The following AP3S2 variants were observed in gnomAD, a reference collection of about 807,000 sequenced individuals.
AP3S2 encodes the protein AP-3 complex subunit sigma-2.
AP3S2 carries 22 observed loss-of-function variants against 23.4 expected under a neutral mutation model. The ratio of observed to expected loss-of-function variants is 0.94; its 90% CI spans 0.67 to 1.34. The LOEUF is 1.34. AP3S2 is among the 40% of genes most tolerant of loss of function. The pLI is 0.00. For synonymous variants in AP3S2, 86 were observed against 87.1 expected, an observed-to-expected ratio of 0.99 and a Z score of 0.07; for missense variants, 241 against 236.9, an observed-to-expected ratio of 1.02 and a Z score of -0.11.
chr15:89,891,653 C>G (rs1193348224), intron 1 of AP3S2, among the ~76,000 whole-genome samples: 3 of 146,560 alleles, frequency 2.0e-5, no homozygotes, highest in Admixed American at 6.9e-5. Context: ...GATTCAGTCT[C>G]GGAGGGAAAA....
intron 4 of AP3S2, chr15:89,837,932 C>G (rs866184390): frequency 2.0e-6 from 1 of 503,938 alleles, no homozygotes. Context: ...CCCTCAGCAG[C>G]GAGGTGGTAG....
intron 3 of AP3S2, chr15:89,876,995 G>A: frequency 3.6e-6 from 1 of 279,058 alleles, no homozygotes; most frequent in South Asian, 3.5e-5. Flanking sequence ...GAAATTTGCT[G>A]AACAAGAGGA....
At chr15:89,843,781 C>A (rs989413914) in intron 4 of AP3S2, among the ~76,000 whole-genome samples, 2 of 152,158 alleles carry the variant, frequency 1.3e-5, no homozygotes, top group Non-Finnish European at 2.9e-5. Flanking sequence ...GCACTCCAGC[C>A]TGGGCAACAA....
At position 89,888,991 on chromosome 15, in the gene AP3S2, A is replaced by G. The variant is rs1360123445; in HGVS notation, c.161+58T>C. ...CACTTGAGTACTGTCAGAAGATGCA[A>G]TAATGAAGGCCACTCACAAGTGGAT... On this transcript the variant is annotated intron_variant, in intron 2 of 5. Transcript: ENST00000336418. 1.9e-6 allele frequency: 3 copies of G among 1,602,920 alleles called. No homozygotes were observed. In the African/African-American group the frequency reaches 4.0e-5, roughly 21 times the overall value.
At position 89,835,649 on chromosome 15, in the gene AP3S2, A is replaced by G. The variant is rs1430916970; in HGVS notation, c.454-6T>C. The G allele has an allele frequency of 6.2e-7, 1 of 1,608,754 alleles. No individual in the cohort carries two copies. The highest frequency in any genetic ancestry group is 1.3e-5 in the African/African-American group (1 of 74,356). ...GGGGCTGCTGAAAGGCCACCCTAAGAAGAAATGAGAGGCGAGTATGAGACA... is the reference window on the plus strand; with the variant it reads ...GGGGCTGCTGAAAGGCCACCCTAAGGAGAAATGAGAGGCGAGTATGAGACA... On this transcript the variant is annotated splice_polypyrimidine_tract_variant and splice_region_variant and intron_variant, in intron 5 of 5. Coordinates refer to ENST00000336418, the MANE Select transcript of AP3S2 (RefSeq NM_005829.5).
chr15:89,885,942 A>T (rs1896691177), intron 3 of AP3S2, among the ~76,000 whole-genome samples: 1 of 152,016 alleles, frequency 6.6e-6, no homozygotes, highest in African/African-American at 2.4e-5. Flanking sequence ...CTCAAAAAAA[A>T]AAAAAAAAAA....
chr15:89,837,097 C>G (rs1462115919), intron 5 of AP3S2, among the ~76,000 whole-genome samples: 1 of 152,234 alleles, frequency 6.6e-6, no homozygotes, highest in Non-Finnish European at 1.5e-5. Context: ...TGGGGGTGGA[C>G]TGGGGTATGT....
At chr15:89,854,167 TG>T (rs1226722413) in intron 4 of AP3S2, among the ~76,000 whole-genome samples, 8 of 20,354 alleles carry the variant, frequency 3.9e-4, no homozygotes, top group Admixed American at 1.4e-3. Context: ...GGGAGGGAGG[TG>T]GGGGGGTCAG....
rs1174722392 is a variant in AP3S2 at position 89,836,579 on chromosome 15, C to G, written c.454-936G>C. Among the ~76,000 whole-genome samples the G allele has an allele frequency of 3.9e-5, 6 of 152,264 alleles. No individual in the cohort carries two copies. In the East Asian group the frequency reaches 1.2e-3, roughly 29 times the overall value. ...AAAACGCAAAGAGTATGCACATCTA[C>G]AGTGAACCCCCACCTGGCAGGCTCA... On this transcript the variant is annotated intron_variant, in intron 5 of 5. Transcript: ENST00000336418.
chr15:89,850,042 T>C (rs77883777), intron 4 of AP3S2, among the ~76,000 whole-genome samples: 2,085 of 152,290 alleles, frequency 0.014, 45 homozygotes, highest in African/African-American at 0.047. Context: ...TATTTCATGG[T>C]AAATTGTATT....
intron 4 of AP3S2, among the ~76,000 whole-genome samples, chr15:89,847,374 A>C (rs28435590): frequency 1.8e-5 from 1 of 56,936 alleles, no homozygotes; most frequent in East Asian, 5.7e-4. Flanking sequence ...AGACCCTGTT[A>C]CAAAAAAAAA....
At chr15:89,872,708 G>A (rs1028142938) in intron 3 of AP3S2, among the ~76,000 whole-genome samples, 3 of 152,206 alleles carry the variant, frequency 2.0e-5, no homozygotes, top group Non-Finnish European at 4.4e-5. Context: ...TGCAGCGGCT[G>A]CTGGGGAGAC....
At chr15:89,873,382 T>G (rs546182474) in intron 3 of AP3S2, among the ~76,000 whole-genome samples, 7 of 151,884 alleles carry the variant, frequency 4.6e-5, no homozygotes, top group Non-Finnish European at 1.0e-4. Flanking sequence ...CCTCCTGGGT[T>G]CAAGCAATTC....
At chr15:89,874,055 C>T (rs1474439600) in intron 3 of AP3S2, among the ~76,000 whole-genome samples, 3 of 148,720 alleles carry the variant, frequency 2.0e-5, no homozygotes, top group Non-Finnish European at 4.5e-5. Flanking sequence ...TAAAATACTT[C>T]GTATTTTTAG....
At chr15:89,858,636 A>T (rs930554890) in intron 4 of AP3S2, among the ~76,000 whole-genome samples, 12 of 152,190 alleles carry the variant, frequency 7.9e-5, no homozygotes, top group Admixed American at 7.2e-4. Flanking sequence ...GAACAATAAA[A>T]TTGAATCTCA....
chr15:89,877,025 A>T, intron 3 of AP3S2: 1 of 273,262 alleles, frequency 3.7e-6, no homozygotes, highest in South Asian at 3.6e-5. Flanking sequence ...AGGCAAGAAA[A>T]ACTGGGCAAA....
intron 2 of AP3S2, 39 bp downstream of exon 2, chr15:89,889,010 A>G (rs932907254): frequency 6.2e-7 from 1 of 1,612,790 alleles, no homozygotes; most frequent in African/African-American, 1.3e-5. Flanking sequence ...GCCACTCACA[A>G]GTGGATATAT....
intron 1 of AP3S2, among the ~76,000 whole-genome samples, chr15:89,892,739 C>T (rs1486510579): frequency 6.6e-6 from 1 of 152,228 alleles, no homozygotes; most frequent in Non-Finnish European, 1.5e-5. Flanking sequence ...TCTTGGCTCA[C>T]TGCAAGCTCC....
At chr15:89,842,304 G>A (rs150585954) in intron 4 of AP3S2, among the ~76,000 whole-genome samples, 1 of 152,142 alleles carries the variant, frequency 6.6e-6, no homozygotes, top group Admixed American at 6.5e-5. Context: ...ACTTTAACAT[G>A]AATGGGAAAA....
Sources: allele counts gnomAD v4.1 joint callset (sites outside exome capture counted in the v4.1 genomes callset), GRCh38; gene constraint gnomAD v4.1.1; transcripts MANE v1.5; gene names NCBI Gene and HGNC (gene_info 2026-07-23, HGNC 2026-07-21).